Variants in ADGRL3 observed in about 807,000 individuals in gnomAD.
ADGRL3 encodes calcium-independent alpha-latrotoxin receptor 3.
In ADGRL3, 62 loss-of-function variants were observed where a neutral mutation model predicts 153.5. That is an observed-to-expected ratio of 0.40 (90% CI 0.33 to 0.50). The LOEUF is 0.50. Ranked by LOEUF, ADGRL3 falls within the 20% of genes least tolerant of loss-of-function variation. ADGRL3 has a pLI of 0.47. For missense variants in ADGRL3, 1,641 were observed against 1,859.4 expected, an observed-to-expected ratio of 0.88 and a Z score of 2.16; for synonymous variants, 710 against 672.5, an observed-to-expected ratio of 1.06 and a Z score of -0.86.
chr4:61,283,365 C>A (rs1462608188), intron 1 of ADGRL3, among the ~76,000 whole-genome samples: 2 of 152,060 alleles, frequency 1.3e-5, no homozygotes, highest in African/African-American at 4.8e-5. Flanking sequence ...TCCCTAAGAA[C>A]TGAGAGTTTT....
chr4:61,853,826 G>A (rs896878395), intron 9 of ADGRL3, among the ~76,000 whole-genome samples: 2 of 152,168 alleles, frequency 1.3e-5, no homozygotes, highest in African/African-American at 4.8e-5. Flanking sequence ...CATTTGTAAA[G>A]CTCAACAAGG....
chr4:61,351,654 C>G lies in ADGRL3; in HGVS notation c.-239-31470C>G, dbSNP rs1380321575. Among the ~76,000 whole-genome samples, 3 of 151,926 alleles carry G rather than the reference C, an allele frequency of 2.0e-5. No individual in the cohort carries two copies. In the East Asian group the frequency reaches 5.8e-4, roughly 29 times the overall value. On this transcript the variant is annotated intron_variant, in intron 1 of 26. Coordinates refer to ENST00000683033, the MANE Select transcript of ADGRL3 (RefSeq NM_001387552.1). Reference sequence around the variant, plus strand: ...TAGGAATTATGCTAAATCTACTGTGCCTGTGCTATATAAATGGAACAACAA... The same window carrying G: ...TAGGAATTATGCTAAATCTACTGTGGCTGTGCTATATAAATGGAACAACAA...
In ADGRL3 at chr4:62,060,714, A is replaced by T. The variant is rs530153626; in HGVS notation, c.3815-7452A>T. ...TCAACAATATAAATGTTTAAGATGT[A>T]CAATTTTTCATTTTTTTGTCCAAAA... is the stretch of plus-strand genomic sequence containing the variant. On this transcript the variant is annotated intron_variant, in intron 25 of 26. Transcript: ENST00000683033. Among the ~76,000 whole-genome samples, 5 of 152,050 alleles carry T rather than the reference A, an allele frequency of 3.3e-5. No individual in the cohort carries two copies. The East Asian group carries it at 9.6e-4, about 29-fold the overall frequency.
chr4:61,308,007 C>A (rs868601014), intron 1 of ADGRL3, among the ~76,000 whole-genome samples: 10 of 152,112 alleles, frequency 6.6e-5, no homozygotes, highest in Non-Finnish European at 1.0e-4. Flanking sequence ...AATGGTCTCG[C>A]CTGCTTATTT....
At chr4:61,408,187 G>GT (rs1198285758) in intron 2 of ADGRL3, among the ~76,000 whole-genome samples, 6 of 151,738 alleles carry the variant, frequency 4.0e-5, no homozygotes, top group Non-Finnish European at 5.9e-5. Flanking sequence ...CTTCTGCAAG[G>GT]TTTTTTTTAA....
At chr4:62,064,569 G>T (rs1741953482) in intron 25 of ADGRL3, among the ~76,000 whole-genome samples, 1 of 151,780 alleles carries the variant, frequency 6.6e-6, no homozygotes, top group Admixed American at 6.6e-5. Context: ...ATTACAAAGA[G>T]ACTTCCATGA....
chr4:61,820,867 C>A (rs557407605), intron 9 of ADGRL3, among the ~76,000 whole-genome samples: 6 of 152,280 alleles, frequency 3.9e-5, no homozygotes, highest in African/African-American at 1.4e-4. Flanking sequence ...TGCCTCCTGA[C>A]TACTCACATG....
At chr4:62,007,383 T>TATATATATATATATACAC (rs71213024) in intron 21 of ADGRL3, among the ~76,000 whole-genome samples, 9 of 30,754 alleles carry the variant, frequency 2.9e-4, no homozygotes, top group African/African-American at 7.5e-4. Context: ...TATATATATA[T>TATATATATATATATACAC]ACACACACAC....
At chr4:61,511,831 A>G (rs2098464965) in intron 3 of ADGRL3, among the ~76,000 whole-genome samples, 1 of 152,200 alleles carries the variant, frequency 6.6e-6, no homozygotes, top group Admixed American at 6.5e-5. Context: ...TAGGACTTTC[A>G]TGCTGCAATT....
chr4:61,260,280 C>G (rs887132152), intron 1 of ADGRL3, among the ~76,000 whole-genome samples: 1 of 152,062 alleles, frequency 6.6e-6, no homozygotes, highest in Admixed American at 6.5e-5. Flanking sequence ...TTATTATTAC[C>G]TTTTACTAAA....
At chr4:61,322,617 C>T (rs56707835) in intron 1 of ADGRL3, among the ~76,000 whole-genome samples, 7,927 of 152,218 alleles carry the variant, frequency 0.052, 643 homozygotes, top group African/African-American at 0.17. Context: ...TGTGAAAATC[C>T]GGCAGGACAG....
intron 1 of ADGRL3, among the ~76,000 whole-genome samples, chr4:61,314,397 TG>T (rs761241252): frequency 1.3e-5 from 2 of 152,062 alleles, no homozygotes; most frequent in Non-Finnish European, 2.9e-5. Flanking sequence ...TTAGTAGAGA[TG>T]GGGTTTCTCC....
intron 1 of ADGRL3, among the ~76,000 whole-genome samples, chr4:61,375,663 G>C (rs2096594484): frequency 6.6e-6 from 1 of 152,078 alleles, no homozygotes; most frequent in African/African-American, 2.4e-5. Context: ...TTAGTACAGA[G>C]CCTCTGTAAA....
intron 15 of ADGRL3, among the ~76,000 whole-genome samples, chr4:61,939,295 C>G (rs2098860838): frequency 6.6e-6 from 1 of 152,016 alleles, no homozygotes; most frequent in Admixed American, 6.6e-5. Flanking sequence ...AAGCATTTAG[C>G]TTGGGAATTT....
At chr4:61,433,211 A>G (rs973946193) in intron 2 of ADGRL3, among the ~76,000 whole-genome samples, 4 of 152,138 alleles carry the variant, frequency 2.6e-5, no homozygotes, top group African/African-American at 9.7e-5. Context: ...GTCACTTAGA[A>G]TGAATTTAGT....
At chr4:61,950,483 G>A (rs1277928549) in intron 17 of ADGRL3, among the ~76,000 whole-genome samples, 1 of 152,192 alleles carries the variant, frequency 6.6e-6, no homozygotes, top group Non-Finnish European at 1.5e-5. Context: ...ATCATGGTGT[G>A]TAGAGCATGG....
chr4:61,391,363 A>C (rs943075412), intron 2 of ADGRL3, among the ~76,000 whole-genome samples: 2 of 152,036 alleles, frequency 1.3e-5, no homozygotes, highest in South Asian at 2.1e-4. Flanking sequence ...GTGAGAACTC[A>C]CTCCTTACCT....
intron 9 of ADGRL3, among the ~76,000 whole-genome samples, chr4:61,865,770 G>A (rs1428275482): frequency 2.6e-5 from 4 of 152,138 alleles, no homozygotes; most frequent in Non-Finnish European, 5.9e-5. Context: ...CTCCTACATG[G>A]TTAAGATGGA....
At chr4:61,711,340 A>C (rs184422629) in intron 6 of ADGRL3, among the ~76,000 whole-genome samples, 1 of 151,332 alleles carries the variant, frequency 6.6e-6, no homozygotes, top group Admixed American at 6.6e-5. Context: ...CCTGCACATA[A>C]AAAGTAGGCA....
Sources: gnomAD v4.1 joint callset for allele counts (sites outside exome capture counted in the v4.1 genomes callset) on GRCh38, gnomAD v4.1.1 for gene constraint, MANE v1.5 for transcripts, NCBI Gene and HGNC (gene_info 2026-07-23, HGNC 2026-07-21) for gene names.